The following DEPDC5 variants were observed in gnomAD, a reference collection of about 807,000 sequenced individuals.
DEPDC5 encodes the protein DEP domain containing 5, GATOR1 subcomplex subunit.
In DEPDC5, 73 loss-of-function variants were observed where a neutral mutation model predicts 217.3. The ratio of observed to expected loss-of-function variants is 0.34; its 90% CI spans 0.28 to 0.41. DEPDC5 has a LOEUF of 0.41. Ranked by LOEUF, DEPDC5 falls within the 10% of genes least tolerant of loss-of-function variation. The pLI is 1.00. For missense variants in DEPDC5, 1,675 were observed against 2,070.1 expected, an observed-to-expected ratio of 0.81 and a Z score of 3.70; for synonymous variants, 733 against 756.7, an observed-to-expected ratio of 0.97 and a Z score of 0.51.
At chr22:31,796,282 T>A (rs2086238218) in intron 12 of DEPDC5, among the ~76,000 whole-genome samples, 1 of 151,746 alleles carries the variant, frequency 6.6e-6, no homozygotes, top group South Asian at 2.1e-4. Flanking sequence ...TTTTGTATTT[T>A]TTAGTGGAGA....
chr22:31,777,191 C>T (rs2083955384), intron 7 of DEPDC5, among the ~76,000 whole-genome samples: 1 of 151,082 alleles, frequency 6.6e-6, no homozygotes, highest in African/African-American at 2.4e-5. Context: ...AACTCCTGAC[C>T]TCAGGTGATT....
chr22:31,793,389 A>G (rs1325393695), intron 12 of DEPDC5, among the ~76,000 whole-genome samples: 1 of 152,088 alleles, frequency 6.6e-6, no homozygotes, highest in African/African-American at 2.4e-5. Context: ...AAATAATATA[A>G]TGAGCCCGTA....
intron 23 of DEPDC5, among the ~76,000 whole-genome samples, chr22:31,821,942 A>G (rs185420578): frequency 6.6e-6 from 1 of 152,214 alleles, no homozygotes; most frequent in Non-Finnish European, 1.5e-5. Flanking sequence ...AATCCAAGAG[A>G]GGAAATTCTT....
intron 20 of DEPDC5, among the ~76,000 whole-genome samples, chr22:31,811,347 G>A (rs974414345): frequency 1.3e-5 from 2 of 152,204 alleles, no homozygotes; most frequent in African/African-American, 4.8e-5. Context: ...TGGGATTACA[G>A]GTGTGAGCCA....
At chr22:31,905,603 A>T (rs1332640445) in intron 41 of DEPDC5, among the ~76,000 whole-genome samples, 1 of 151,948 alleles carries the variant, frequency 6.6e-6, no homozygotes, top group Non-Finnish European at 1.5e-5. Flanking sequence ...ATGGGGGAGA[A>T]CGCTCAGTGG....
intron 7 of DEPDC5, among the ~76,000 whole-genome samples, chr22:31,775,322 G>A (rs1257780166): frequency 6.6e-6 from 1 of 152,040 alleles, no homozygotes; most frequent in Admixed American, 6.6e-5. Context: ...TGGGATTACA[G>A]GCACCTGCCA....
intron 38 of DEPDC5, among the ~76,000 whole-genome samples, chr22:31,892,752 A>G (rs886998538): frequency 6.6e-6 from 1 of 151,212 alleles, no homozygotes; most frequent in African/African-American, 2.4e-5. Flanking sequence ...TGCCCCCACT[A>G]TCAACATCCC....
chr22:31,846,288 A>G (rs2091731810), intron 30 of DEPDC5, among the ~76,000 whole-genome samples: 1 of 152,158 alleles, frequency 6.6e-6, no homozygotes, highest in Non-Finnish European at 1.5e-5. Flanking sequence ...TGATTCATCC[A>G]AGTTGTGTGT....
At chr22:31,845,509 A>G (rs950034126) in intron 30 of DEPDC5, among the ~76,000 whole-genome samples, 1 of 152,150 alleles carries the variant, frequency 6.6e-6, no homozygotes, top group Non-Finnish European at 1.5e-5. Context: ...GTGGGACCCT[A>G]TGTTGAGCAC....
intron 25 of DEPDC5, 45 bp from the exon 26 acceptor site, chr22:31,836,927 G>C: frequency 5.3e-6 from 6 of 1,122,504 alleles, no homozygotes; most frequent in Admixed American, 4.6e-5. Flanking sequence ...TCCCACACTT[G>C]CCATGGTGAC....
intron 7 of DEPDC5, among the ~76,000 whole-genome samples, chr22:31,776,351 A>T (rs879297452): frequency 2.0e-5 from 3 of 151,998 alleles, no homozygotes; most frequent in Non-Finnish European, 4.4e-5. Flanking sequence ...GGCTCAAGCA[A>T]TCTGCCAACC....
chr22:31,790,796 G>A (rs1365970663), intron 10 of DEPDC5, among the ~76,000 whole-genome samples: 3 of 149,404 alleles, frequency 2.0e-5, no homozygotes, highest in Non-Finnish European at 4.4e-5. Flanking sequence ...GCCCAGGCTG[G>A]AGTGCAATGG....
At chr22:31,856,151 A>G (rs2092281436) in intron 31 of DEPDC5, among the ~76,000 whole-genome samples, 1 of 89,556 alleles carries the variant, frequency 1.1e-5, no homozygotes, top group Admixed American at 1.2e-4. Flanking sequence ...AGTTGGGCCA[A>G]CGCGCACACA....
intron 33 of DEPDC5, among the ~76,000 whole-genome samples, chr22:31,861,707 C>G (rs1479213526): frequency 6.6e-6 from 1 of 152,204 alleles, no homozygotes; most frequent in Non-Finnish European, 1.5e-5. Context: ...GTCACTGATT[C>G]TCTGCCACTT....
At chr22:31,864,843 C>T (rs2092641669) in intron 33 of DEPDC5, among the ~76,000 whole-genome samples, 1 of 152,138 alleles carries the variant, frequency 6.6e-6, no homozygotes, top group Non-Finnish European at 1.5e-5. Context: ...CATCTGCCAC[C>T]ACAGCCAGAT....
chr22:31,833,965 A>G lies in DEPDC5; in HGVS notation c.2155A>G (p.Thr719Ala). Reference sequence around the variant, plus strand: ...GGATTCTCTAGAGGACAGTGTTTCTACCTCTCCAGACCCAAGTAAGAGGGG... The same window carrying G: ...GGATTCTCTAGAGGACAGTGTTTCTGCCTCTCCAGACCCAAGTAAGAGGGG... ...NKDSLEDSVSTSPDPILTLSA... is the reference protein window; with the variant it reads ...NKDSLEDSVSASPDPILTLSA... Residue 719 changes from threonine (T) to alanine (A), a missense_variant, in exon 25 of 43, where the codon ACC (threonine) becomes GCC (alanine). Around this residue, in one of 11 missense-constraint regions of DEPDC5, gnomAD observed 136 missense variants for 132.2 expected, o/e 1.03. Transcript: ENST00000651528. 2.5e-6 allele frequency: 4 copies of G among 1,613,406 alleles called. No homozygotes were observed. The highest frequency in any genetic ancestry group is 2.5e-6 in the Non-Finnish European group (3 of 1,179,576).
At chr22:31,792,562 T>A (rs1288708557) in intron 11 of DEPDC5, 183 bp from the exon 12 acceptor site, 2 of 407,036 alleles carry the variant, frequency 4.9e-6, no homozygotes, top group Non-Finnish European at 4.1e-6. Flanking sequence ...GCTGAGATCT[T>A]ACCACTGCAC....
At chr22:31,810,727 T>C in intron 20 of DEPDC5, 86 bp downstream of exon 20, 22 of 1,547,008 alleles carry the variant, frequency 1.4e-5, no homozygotes, top group Non-Finnish European at 1.9e-5. Context: ...GAGAGCAACC[T>C]TGAAAATCTT....
chr22:31,769,410 C>G (rs1207525967), intron 7 of DEPDC5: 1 of 151,784 alleles, frequency 6.6e-6, no homozygotes. Flanking sequence ...GATAGAGACT[C>G]GTAATTTTAC....
Sources: gnomAD v4.1 joint callset for allele counts (sites outside exome capture counted in the v4.1 genomes callset) on GRCh38, gnomAD v4.1.1 for gene constraint, gnomAD v4.1.1 regional missense constraint, MANE v1.5 for transcripts, NCBI Gene and HGNC (gene_info 2026-07-23, HGNC 2026-07-21) for gene names.